Variants in GCSH observed in about 807,000 individuals in gnomAD.
The protein encoded by GCSH is glycine cleavage system protein H.
Under a neutral mutation model 21.3 loss-of-function variants are expected in GCSH, and 15 were observed. The observed-to-expected ratio is 0.70, with a 90% CI of 0.47 to 1.08. The LOEUF is 1.08. Ranked by LOEUF, GCSH falls within the 50% of genes least tolerant of loss-of-function variation. The probability of loss-of-function intolerance (pLI) is 0.00; values close to 1 mark genes in which losing one functional copy is unlikely to be tolerated. For synonymous variants in GCSH, 59 were observed against 84.5 expected (o/e 0.70, Z 1.66); for missense variants, 179 against 217.5 (o/e 0.82, Z 1.11).
In GCSH at chr16:81,082,335, G is replaced by T; in HGVS notation, c.*531C>A. On this transcript the variant is annotated 3_prime_UTR_variant, in exon 5 of 5. Transcript: ENST00000315467. ...CAAAACAAACATGATTAACGAAGAA[G>T]TATTTTATTATTTTGCTGCAAAGCT... is the stretch of plus-strand genomic sequence containing the variant. 2.3e-6 allele frequency: 1 copy of T among 439,966 alleles called. No individual in the cohort carries two copies. The highest frequency in any genetic ancestry group is 1.6e-5 in the South Asian group (1 of 61,840). 27.3% of individuals were successfully genotyped at this position (439,966 alleles called of 1,614,324 possible).
Position 81,096,359 on chromosome 16 carries a change from C to T in GCSH, c.-81G>A, listed in dbSNP as rs1972512711. 2 of 1,097,668 alleles carry T rather than the reference C, an allele frequency of 1.8e-6. No individual in the cohort carries two copies. The highest frequency in any genetic ancestry group is 3.4e-5 in the East Asian group (1 of 29,450). The allele number at this position is 1,097,668 out of a possible 1,614,324, so 68.0% of individuals were successfully genotyped here. A position where few individuals can be genotyped will look rare whatever the true frequency, so the allele number is the denominator to read the frequency against. On this transcript the variant is annotated 5_prime_UTR_variant, in exon 1 of 5. Transcript: ENST00000315467. ...CGGGGCGGGGAGGGGCAGTTCGCGG[C>T]CGGAGGGAGCCGGCTGGATGGAGGC... is the stretch of plus-strand genomic sequence containing the variant.
At chr16:81,087,529 TACAA>T in intron 3 of GCSH, 68 bp downstream of exon 3, 1 of 1,062,964 alleles carries the variant, frequency 9.4e-7, no homozygotes, top group Admixed American at 1.8e-5. Flanking sequence ...TAATCCAGGG[TACAA>T]ACAAATTACT....
chr16:81,091,811 G>T (rs1407405452), intron 1 of GCSH, among the ~76,000 whole-genome samples: 5 of 151,702 alleles, frequency 3.3e-5, no homozygotes, highest in South Asian at 2.1e-4. Context: ...TTGTAGAGAT[G>T]GGGGGGTCTA....
At chr16:81,083,074 C>T (rs970835591) in intron 4 of GCSH, 111 bp from the exon 5 acceptor site, 2 of 775,628 alleles carry the variant, frequency 2.6e-6, no homozygotes, top group Admixed American at 1.8e-5. Context: ...TTTACAAAAA[C>T]CATACATTAT....
intron 1 of GCSH, among the ~76,000 whole-genome samples, chr16:81,092,512 G>A (rs1271359961): frequency 3.3e-5 from 5 of 151,728 alleles, no homozygotes; most frequent in Admixed American, 6.6e-5. Context: ...AGGCCGAGGC[G>A]GGTGGATCAC....
intron 4 of GCSH, chr16:81,083,231 T>G: frequency 2.3e-6 from 1 of 437,506 alleles, no homozygotes; most frequent in Non-Finnish European, 4.3e-6. Flanking sequence ...ATTTAAATCT[T>G]TAAGGGCCGG....
intron 3 of GCSH, among the ~76,000 whole-genome samples, chr16:81,086,810 T>TTA (rs755311210): frequency 0.075 from 11,411 of 152,162 alleles, 484 homozygotes; most frequent in East Asian, 0.19. Flanking sequence ...ACACACACTG[T>TTA]GTGATTCCTT....
At chr16:81,084,032 G>T in intron 4 of GCSH, 1 of 204,278 alleles carries the variant, frequency 4.9e-6, no homozygotes, top group Admixed American at 5.3e-5. Context: ...GAGTGGAGTG[G>T]TGCGATCTTG....
rs997643122 is a variant in GCSH, at chr16:81,083,240, G to A, written c.425-277C>T. On this transcript the variant is annotated intron_variant, in intron 4 of 4. Coordinates refer to ENST00000315467, the MANE Select transcript of GCSH (RefSeq NM_004483.5). Reference sequence around the variant, plus strand: ...AATGACATTTAAATCTTTAAGGGCCGGGCACGGTGGCTCATGCCTGTAATC... The same window carrying A: ...AATGACATTTAAATCTTTAAGGGCCAGGCACGGTGGCTCATGCCTGTAATC... 16 of 407,936 alleles carry A rather than the reference G, an allele frequency of 3.9e-5. No homozygotes were observed. In the East Asian group the frequency reaches 6.3e-4, roughly 16 times the overall value. 25.3% of individuals were successfully genotyped at this position (407,936 alleles called of 1,614,324 possible). A position where few individuals can be genotyped will look rare whatever the true frequency, so the allele number is the denominator to read the frequency against.
chr16:81,083,094 G>C, intron 4 of GCSH, 131 bp from the exon 5 acceptor site: 3 of 726,058 alleles, frequency 4.1e-6, no homozygotes, highest in Non-Finnish European at 7.6e-6. Flanking sequence ...TTTGTTCATA[G>C]AACTTTAAAT....
In GCSH at chr16:81,088,653, G is replaced by A. The variant is rs146967021; in HGVS notation, c.229-989C>T. Among the ~76,000 whole-genome samples the A allele has an allele frequency of 2.3e-3, 351 of 152,140 alleles. 5 individuals carry two copies. The highest frequency in any genetic ancestry group is 7.8e-3 in the African/African-American group (323 of 41,498). On this transcript the variant is annotated intron_variant, in intron 2 of 4. Transcript: ENST00000315467. ...TGACCTCAGATAATCAACTTGCCTCGGCCTTCCAAAGTGCTAGGATTACAG... is the reference window on the plus strand; with the variant it reads ...TGACCTCAGATAATCAACTTGCCTCAGCCTTCCAAAGTGCTAGGATTACAG...
At chr16:81,093,250 G>A (rs907834095) in intron 1 of GCSH, among the ~76,000 whole-genome samples, 2 of 151,754 alleles carry the variant, frequency 1.3e-5, no homozygotes, top group Non-Finnish European at 2.9e-5. Flanking sequence ...GCTACAAATC[G>A]CCGGTTATAT....
chr16:81,093,333 G>C (rs1417611618), intron 1 of GCSH, among the ~76,000 whole-genome samples: 1 of 152,078 alleles, frequency 6.6e-6, no homozygotes, highest in African/African-American at 2.4e-5. Context: ...CACCACCTGA[G>C]ACTACCTTCT....
rs8177874 is a variant in GCSH at position 81,090,808 on chromosome 16, G to A, written c.149-128C>T. On this transcript the variant is annotated intron_variant, in intron 1 of 4. Coordinates refer to ENST00000315467, the MANE Select transcript of GCSH (RefSeq NM_004483.5). Reference sequence around the variant, plus strand: ...GACCTGTTGACACTACCTTTAAATAGTGCATGGCTCAGGAAAGAATGAAGA... The same window carrying A: ...GACCTGTTGACACTACCTTTAAATAATGCATGGCTCAGGAAAGAATGAAGA... 9,819 of 727,860 alleles carry A rather than the reference G, an allele frequency of 0.013. 383 individuals are homozygous for A. The highest frequency in any genetic ancestry group is 0.11 in the African/African-American group (6,558 of 57,668). 45.1% of individuals were successfully genotyped at this position (727,860 alleles called of 1,614,324 possible). A position where few individuals can be genotyped will look rare whatever the true frequency, so the allele number is the denominator to read the frequency against.
intron 3 of GCSH, among the ~76,000 whole-genome samples, 176 bp from the exon 4 acceptor site, chr16:81,084,770 C>G (rs148311409): frequency 0.015 from 2,161 of 143,514 alleles, 40 homozygotes; most frequent in African/African-American, 0.053. Context: ...AGTGCAGTGG[C>G]GCAATCTCAC....
At chr16:81,083,100 T>C (rs1033307431) in intron 4 of GCSH, 137 bp from the exon 5 acceptor site, 5 of 712,494 alleles carry the variant, frequency 7.0e-6, no homozygotes, top group Non-Finnish European at 1.3e-5. Flanking sequence ...CATAGAACTT[T>C]AAATTTTAGC....
intron 1 of GCSH, among the ~76,000 whole-genome samples, chr16:81,094,715 TA>T (rs201704819): frequency 0.022 from 3,334 of 152,230 alleles, 54 homozygotes; most frequent in Admixed American, 0.031. Flanking sequence ...AACAGGTTTC[TA>T]AAACAATGAG....
chr16:81,091,184 G>C (rs1052859951), intron 1 of GCSH: 5 of 413,638 alleles, frequency 1.2e-5, no homozygotes, highest in African/African-American at 6.4e-5. Flanking sequence ...GTGCAGCTTG[G>C]GTTACAAAGT....
intron 1 of GCSH, among the ~76,000 whole-genome samples, chr16:81,092,323 AC>A (rs8177856): frequency 0.8 from 122,174 of 151,934 alleles, 50,590 homozygotes; most frequent in Non-Finnish European, 0.92. Flanking sequence ...TAGGCTGTGT[AC>A]CCACCAAGAA....
Sources: allele counts gnomAD v4.1 joint callset (sites outside exome capture counted in the v4.1 genomes callset), GRCh38; gene constraint gnomAD v4.1.1; transcripts MANE v1.5; gene names NCBI Gene and HGNC (gene_info 2026-07-23, HGNC 2026-07-21).